The following PTPRD variants were observed in gnomAD, a reference collection of about 807,000 sequenced individuals.
The protein encoded by PTPRD is receptor-type tyrosine-protein phosphatase delta.
PTPRD carries 34 observed loss-of-function variants against 214.5 expected under a neutral mutation model. The ratio of observed to expected loss-of-function variants is 0.16; its 90% CI spans 0.12 to 0.21. PTPRD has a LOEUF of 0.21. Ranked by LOEUF, PTPRD falls within the 10% of genes least tolerant of loss-of-function variation. PTPRD has a pLI of 1.00. For synonymous variants in PTPRD, 1,128 were observed against 845.7 expected (o/e 1.33, Z -5.79); for missense variants, 2,545 against 2,398.7 (o/e 1.06, Z -1.27).
intron 3 of PTPRD, among the ~76,000 whole-genome samples, chr9:10,273,449 G>C (rs1262735952): frequency 6.6e-6 from 1 of 152,058 alleles, no homozygotes; most frequent in African/African-American, 2.4e-5. Flanking sequence ...TGGTATATTA[G>C]AGTTAGATAA....
intron 39 of PTPRD, among the ~76,000 whole-genome samples, chr9:8,358,273 C>T (rs1198180048): frequency 6.6e-6 from 1 of 151,668 alleles, no homozygotes; most frequent in African/African-American, 2.4e-5. Context: ...AAATTCCCCC[C>T]ATCATTTTTT....
At chr9:8,491,048 T>C (rs193079777) in intron 27 of PTPRD, among the ~76,000 whole-genome samples, 1 of 152,386 alleles carries the variant, frequency 6.6e-6, no homozygotes, top group East Asian at 1.9e-4. Context: ...GGATAAACCA[T>C]GAGTAGCGGC....
intron 3 of PTPRD, among the ~76,000 whole-genome samples, chr9:10,250,442 C>T (rs1352591469): frequency 6.6e-6 from 1 of 152,064 alleles, no homozygotes; most frequent in Non-Finnish European, 1.5e-5. Context: ...CCTAGAAAGT[C>T]TTTATAAAGC....
intron 9 of PTPRD, among the ~76,000 whole-genome samples, chr9:9,395,081 C>T (rs10816120): frequency 0.14 from 21,979 of 151,882 alleles, 1,725 homozygotes; most frequent in Non-Finnish European, 0.18. Flanking sequence ...CCACCATGTG[C>T]CATTTGGATG....
rs116050067 is a variant in PTPRD, at chr9:10,459,673, T to C, written c.-599-118656A>G. 6.7e-3 allele frequency among the ~76,000 whole-genome samples: 1,020 copies of C among 152,156 alleles called. 13 individuals are homozygous for C. The highest frequency in any genetic ancestry group is 0.023 in the African/African-American group (957 of 41,532). ...CCCGTGATGAAGAGCTTTTTTTTTT[T>C]CATACGTTTGTTGGTTGCCTAAATG... is the stretch of plus-strand genomic sequence containing the variant. On this transcript the variant is annotated intron_variant, in intron 2 of 45. Transcript: ENST00000381196.
At chr9:8,693,404 G>C (rs544413661) in intron 12 of PTPRD, among the ~76,000 whole-genome samples, 3 of 152,280 alleles carry the variant, frequency 2.0e-5, no homozygotes, top group African/African-American at 7.2e-5. Context: ...GGATATCAGA[G>C]AAAACATGGA....
intron 44 of PTPRD, among the ~76,000 whole-genome samples, chr9:8,320,601 T>G (rs1826382551): frequency 6.6e-6 from 1 of 152,106 alleles, no homozygotes; most frequent in African/African-American, 2.4e-5. Context: ...TGTTGTTTTC[T>G]TATTTCTTGA....
Position 8,550,990 on chromosome 9 carries a change from T to G in PTPRD, c.353-22211A>C, listed in dbSNP as rs551669132. Among the ~76,000 whole-genome samples the G allele has an allele frequency of 9.2e-5, 14 of 152,334 alleles. No individual in the cohort carries two copies. In the East Asian group the frequency reaches 2.5e-3, roughly 27 times the overall value. The stretch of plus-strand genomic sequence containing the variant: ...CAACAATAGCATCCCAGTTCTGCAG[T>G]GACAGTGTGGTTGAATAGATTTCAC... On this transcript the variant is annotated intron_variant, in intron 14 of 45. Coordinates refer to ENST00000381196, the MANE Select transcript of PTPRD (RefSeq NM_002839.4).
intron 2 of PTPRD, among the ~76,000 whole-genome samples, chr9:10,477,148 A>G (rs937311566): frequency 6.6e-6 from 1 of 152,164 alleles, no homozygotes; most frequent in African/African-American, 2.4e-5. Context: ...TAGTTAAACT[A>G]AAGAGCTTCT....
chr9:9,516,719 G>T (rs139753061), intron 8 of PTPRD, among the ~76,000 whole-genome samples: 1,846 of 151,908 alleles, frequency 0.012, 37 homozygotes, highest in African/African-American at 0.042. Flanking sequence ...TGTATTTTTA[G>T]TAAAGACGGG....
chr9:10,232,319 C>T (rs2099614334), intron 3 of PTPRD, among the ~76,000 whole-genome samples: 1 of 151,804 alleles, frequency 6.6e-6, no homozygotes, highest in African/African-American at 2.4e-5. Context: ...TCCACTAATC[C>T]AGAAATTATA....
At chr9:9,662,118 G>C (rs903670004) in intron 7 of PTPRD, among the ~76,000 whole-genome samples, 1 of 151,612 alleles carries the variant, frequency 6.6e-6, no homozygotes, top group African/African-American at 2.4e-5. Flanking sequence ...TTCTCATTGA[G>C]AGTAAAGAAC....
intron 35 of PTPRD, among the ~76,000 whole-genome samples, chr9:8,429,577 T>A (rs1465759541): frequency 6.6e-6 from 1 of 152,188 alleles, no homozygotes; most frequent in Non-Finnish European, 1.5e-5. Flanking sequence ...CATATTGTTA[T>A]AAAAACAGAA....
chr9:9,966,996 G>C (rs897899750), intron 4 of PTPRD, among the ~76,000 whole-genome samples: 4 of 152,140 alleles, frequency 2.6e-5, no homozygotes, highest in Non-Finnish European at 4.4e-5. Flanking sequence ...GGAGAGTTTA[G>C]GGACTACAGA....
At chr9:9,654,248 A>G (rs1396871397) in intron 7 of PTPRD, among the ~76,000 whole-genome samples, 1 of 152,184 alleles carries the variant, frequency 6.6e-6, no homozygotes, top group Non-Finnish European at 1.5e-5. Flanking sequence ...AGTAAGAGTG[A>G]GAAGCTATAA....
chr9:8,929,530 G>A (rs1036117496), intron 11 of PTPRD, among the ~76,000 whole-genome samples: 2 of 151,844 alleles, frequency 1.3e-5, no homozygotes. Context: ...TGCATCCCAA[G>A]TATGAAGCCG....
chr9:9,275,120 TATATATATTATATATAA>T, intron 9 of PTPRD, among the ~76,000 whole-genome samples: 1 of 53,984 alleles, frequency 1.9e-5, no homozygotes, highest in African/African-American at 7.9e-5. Context: ...ATATATATAT[TATATATATTATATATAA>T]TATATATATA....
At chr9:10,563,308 T>G (rs984971705) in intron 2 of PTPRD, among the ~76,000 whole-genome samples, 1 of 152,156 alleles carries the variant, frequency 6.6e-6, no homozygotes, top group African/African-American at 2.4e-5. Flanking sequence ...GTGTAAGTTC[T>G]AATGTGCCAT....
intron 11 of PTPRD, among the ~76,000 whole-genome samples, chr9:8,845,174 AAACAAAAAC>A (rs1234327140): frequency 8.4e-5 from 8 of 95,126 alleles, no homozygotes; most frequent in Admixed American, 6.5e-4. Context: ...CAGGAAAAAA[AAACAAAAAC>A]AAAAAAAAAC....
Sources: allele counts gnomAD v4.1 joint callset (sites outside exome capture counted in the v4.1 genomes callset), GRCh38; gene constraint gnomAD v4.1.1; transcripts MANE v1.5; gene names NCBI Gene and HGNC (gene_info 2026-07-23, HGNC 2026-07-21).